The following SH3KBP1 variants were observed in gnomAD, a reference collection of about 807,000 sequenced individuals.
SH3KBP1 encodes the protein SH3 domain containing kinase binding protein 1.
A neutral mutation model predicts 50.1 loss-of-function variants in SH3KBP1; 8 were observed. The observed-to-expected ratio is 0.16, with a 90% confidence interval of 0.09 to 0.29. The LOEUF (loss-of-function observed/expected upper bound fraction) is 0.29. Among genes scored for constraint, SH3KBP1 ranks in the 10% least tolerant of loss-of-function variants. The pLI, the probability that SH3KBP1 is intolerant of heterozygous loss-of-function variation, is 1.00. For synonymous variants in SH3KBP1, 227 were observed against 218.6 expected (o/e 1.04, Z -0.34); for missense variants, 377 against 535.2 (o/e 0.70, Z 2.92).
At chrX:19,546,801 A>T (rs2065096250) in intron 14 of SH3KBP1, among the ~76,000 whole-genome samples, 1 of 111,623 alleles carries the variant, frequency 9.0e-6, no homozygotes. Flanking sequence ...CTTTTGGTAA[A>T]ATATAGGACG....
chrX:19,547,007 C>T (rs1292896546), intron 14 of SH3KBP1, among the ~76,000 whole-genome samples: 1 of 110,439 alleles, frequency 9.1e-6, no homozygotes, highest in Non-Finnish European at 1.9e-5. Context: ...CAAAAATTGG[C>T]CAGGCATGGT....
chrX:19,598,543 C>T (rs1237673047), intron 9 of SH3KBP1, among the ~76,000 whole-genome samples: 3 of 111,994 alleles, frequency 2.7e-5, no homozygotes, highest in Admixed American at 9.5e-5. Context: ...AACATGCCTT[C>T]TTCACTAAGC....
At chrX:19,690,834 T>C (rs1227173234) in intron 5 of SH3KBP1, among the ~76,000 whole-genome samples, 1 of 112,096 alleles carries the variant, frequency 8.9e-6, no homozygotes, top group African/African-American at 3.2e-5. Context: ...ATTTGTCAGA[T>C]GACCTGTGGA....
intron 7 of SH3KBP1, among the ~76,000 whole-genome samples, chrX:19,639,284 A>C (rs1202083422): frequency 6.3e-5 from 7 of 111,918 alleles, no homozygotes; most frequent in Admixed American, 2.8e-4. Context: ...TTGACTTTCA[A>C]ATTATTTCAC....
At chrX:19,885,210 C>T (rs2069555367) in intron 1 of SH3KBP1, among the ~76,000 whole-genome samples, 1 of 111,524 alleles carries the variant, frequency 9.0e-6, no homozygotes, top group South Asian at 3.7e-4. Context: ...TCTGCATACA[C>T]ACAACCTCAG....
chrX:19,716,533 A>G (rs1375507129), intron 3 of SH3KBP1, among the ~76,000 whole-genome samples: 1 of 112,215 alleles, frequency 8.9e-6, no homozygotes, highest in African/African-American at 3.2e-5. Flanking sequence ...TTGGCAGGAT[A>G]TAAGAGAAAA....
chrX:19,876,601 A>T (rs1453002897), intron 1 of SH3KBP1, among the ~76,000 whole-genome samples: 1 of 111,013 alleles, frequency 9.0e-6, no homozygotes, highest in Non-Finnish European at 1.9e-5. Flanking sequence ...ACCCATCATC[A>T]ATTAATCAGG....
intron 2 of SH3KBP1, among the ~76,000 whole-genome samples, chrX:19,827,184 C>G (rs1463066147): frequency 8.9e-6 from 1 of 111,981 alleles, no homozygotes; most frequent in East Asian, 2.8e-4. Context: ...TGGTTATGCT[C>G]AGCACACATA....
chrX:19,588,395 G>A, intron 12 of SH3KBP1: 1 of 1,110,432 alleles, frequency 9.0e-7, no homozygotes, highest in Non-Finnish European at 1.2e-6. Context: ...GGGCCTAAAT[G>A]CTGGGTACCC....
In SH3KBP1 at chrX:19,836,187, C is replaced by T; in HGVS notation, c.100G>A (p.Gly34Arg). 8.3e-7 allele frequency: 1 copy of T among 1,210,843 alleles called. No homozygotes were observed. The highest frequency in any genetic ancestry group is 3.0e-5 in the East Asian group (1 of 33,838). The change falls in exon 2 of 18, where the codon GGA becomes AGA. Residue 34 changes from glycine to arginine, a missense_variant. This residue lies in a region of SH3KBP1 where 257 missense variants were observed against 374.2 expected (regional missense o/e 0.69). Transcript: ENST00000397821. ...EIITNIRKEDGGWWEGQINGR... is the reference protein window; with the variant it reads ...EIITNIRKEDRGWWEGQINGR... Reference sequence around the variant, plus strand: ...TTGATCTGTCCCTCCCACCAGCCTCCATCCTCCTTCCTGATGTTGGTGATG... The same window carrying T: ...TTGATCTGTCCCTCCCACCAGCCTCTATCCTCCTTCCTGATGTTGGTGATG...
intron 2 of SH3KBP1, among the ~76,000 whole-genome samples, chrX:19,770,701 T>C (rs898456998): frequency 4.5e-5 from 5 of 110,037 alleles, no homozygotes; most frequent in African/African-American, 1.3e-4. Context: ...CTTACCAGCA[T>C]GTTATTTTTT....
chrX:19,781,165 A>G (rs1366250190), intron 2 of SH3KBP1, among the ~76,000 whole-genome samples: 1 of 111,458 alleles, frequency 9.0e-6, no homozygotes, highest in Non-Finnish European at 1.9e-5. Flanking sequence ...TGGACAAGGG[A>G]TCAATATAGC....
intron 8 of SH3KBP1, among the ~76,000 whole-genome samples, chrX:19,613,688 C>T (rs746818997): frequency 8.9e-6 from 1 of 112,365 alleles, no homozygotes; most frequent in Non-Finnish European, 1.9e-5. Flanking sequence ...TGTAGTCCAG[C>T]CTCTGCGTTC....
At chrX:19,649,832 G>C (rs1244352437) in intron 6 of SH3KBP1, among the ~76,000 whole-genome samples, 2 of 111,989 alleles carry the variant, frequency 1.8e-5, no homozygotes, top group African/African-American at 6.5e-5. Context: ...AAAGGCAATC[G>C]CTGGATTGGA....
At chrX:19,687,014 G>A (rs1310506584) in intron 5 of SH3KBP1, among the ~76,000 whole-genome samples, 1 of 112,194 alleles carries the variant, frequency 8.9e-6, no homozygotes, top group Non-Finnish European at 1.9e-5. Context: ...ACTGTTCTAA[G>A]GGCATCTCAT....
At chrX:19,638,045 C>G (rs771708655) in intron 7 of SH3KBP1, among the ~76,000 whole-genome samples, 117 of 108,343 alleles carry the variant, frequency 1.1e-3, no homozygotes, top group Non-Finnish European at 1.9e-3. Context: ...CCACTGCACT[C>G]CAGCCTAGGC....
At chrX:19,570,022 G>A (rs774776650) in intron 12 of SH3KBP1, among the ~76,000 whole-genome samples, 41 of 112,382 alleles carry the variant, frequency 3.6e-4, no homozygotes, top group Admixed American at 3.5e-3. Flanking sequence ...TCCCAGCAAA[G>A]TAACAGAAAT....
chrX:19,600,242 G>A (rs916458748), intron 9 of SH3KBP1, among the ~76,000 whole-genome samples: 7 of 110,240 alleles, frequency 6.3e-5, no homozygotes, highest in African/African-American at 1.7e-4. Flanking sequence ...AAGTCAGTCC[G>A]GCGTGGTGGC....
At chrX:19,879,502 G>A (rs1382403543) in intron 1 of SH3KBP1, among the ~76,000 whole-genome samples, 1 of 111,404 alleles carries the variant, frequency 9.0e-6, no homozygotes, top group Non-Finnish European at 1.9e-5. Context: ...ACCAATATGT[G>A]AGTAGCAGAG....
Sources: allele counts gnomAD v4.1 joint callset (sites outside exome capture counted in the v4.1 genomes callset), GRCh38; gene constraint gnomAD v4.1.1; regional missense constraint gnomAD v4.1.1; transcripts MANE v1.5; gene names NCBI Gene and HGNC (gene_info 2026-07-23, HGNC 2026-07-21).